The following LRP1B variants were observed in gnomAD, a reference collection of about 807,000 sequenced individuals.
LRP1B encodes the protein low-density lipoprotein receptor-related protein 1B.
Under a neutral mutation model 556.6 loss-of-function variants are expected in LRP1B, and 217 were observed. The ratio of observed to expected loss-of-function variants is 0.39; its 90% confidence interval spans 0.35 to 0.44. The LOEUF (loss-of-function observed/expected upper bound fraction) is 0.44, where lower values mean the gene tolerates loss of function less well. Ranked by LOEUF, LRP1B falls within the 20% of genes least tolerant of loss-of-function variation. The pLI, the probability that LRP1B is intolerant of heterozygous loss-of-function variation, is 1.00. For synonymous variants in LRP1B, 2,047 were observed against 1,865.8 expected (o/e 1.10, Z -2.50); for missense variants, 5,053 against 5,620.8 (o/e 0.90, Z 3.23).
chr2:141,920,279 T>TGGG (rs1216730794), intron 1 of LRP1B, among the ~76,000 whole-genome samples: 2 of 100,010 alleles, frequency 2.0e-5, no homozygotes, highest in African/African-American at 3.6e-5. Flanking sequence ...TCTTTTTTTT[T>TGGG]GGGGGGGGGT....
At chr2:141,326,585 C>T (rs1687438798) in intron 3 of LRP1B, among the ~76,000 whole-genome samples, 1 of 152,114 alleles carries the variant, frequency 6.6e-6, no homozygotes, top group African/African-American at 2.4e-5. Context: ...CCGATGAAGA[C>T]TTTGTCCCCC....
intron 3 of LRP1B, among the ~76,000 whole-genome samples, chr2:141,293,998 C>G (rs969446199): frequency 1.3e-5 from 2 of 151,942 alleles, no homozygotes; most frequent in African/African-American, 4.8e-5. Flanking sequence ...ATATACGTAG[C>G]AATTTGAAAG....
intron 12 of LRP1B, among the ~76,000 whole-genome samples, chr2:141,018,131 G>A (rs1005021273): frequency 8.6e-5 from 13 of 151,836 alleles, no homozygotes; most frequent in African/African-American, 3.1e-4. Context: ...TTTTCTAGGT[G>A]GGACTCCGTG....
At chr2:142,037,509 G>T (rs932803962) in intron 1 of LRP1B, among the ~76,000 whole-genome samples, 1 of 151,560 alleles carries the variant, frequency 6.6e-6, no homozygotes, top group Admixed American at 6.6e-5. Context: ...AAGCCTGGAA[G>T]AGTAAAAGAA....
intron 2 of LRP1B, among the ~76,000 whole-genome samples, chr2:141,725,238 A>AT (rs1022959660): frequency 3.9e-5 from 6 of 152,060 alleles, no homozygotes; most frequent in Admixed American, 1.3e-4. Flanking sequence ...ATCTTACCAC[A>AT]TTTTTTATGA....
At chr2:140,336,705 G>A (rs1416701909) in intron 77 of LRP1B, among the ~76,000 whole-genome samples, 1 of 151,850 alleles carries the variant, frequency 6.6e-6, no homozygotes, top group Non-Finnish European at 1.5e-5. Flanking sequence ...TGATAGGTTG[G>A]ATTATCTTAA....
chr2:140,285,115 G>A (rs937780924), intron 84 of LRP1B, among the ~76,000 whole-genome samples: 3 of 149,546 alleles, frequency 2.0e-5, no homozygotes, highest in East Asian at 2.0e-4. Flanking sequence ...ATATATATGT[G>A]TGTGTATATA....
chr2:142,108,760 C>T (rs552556282), intron 1 of LRP1B, among the ~76,000 whole-genome samples: 3 of 152,196 alleles, frequency 2.0e-5, no homozygotes, highest in East Asian at 3.9e-4. Flanking sequence ...CTTTAATTTG[C>T]CATTAGTACA....
At chr2:140,409,026 A>G (rs748645706) in intron 66 of LRP1B, among the ~76,000 whole-genome samples, 22 of 151,902 alleles carry the variant, frequency 1.4e-4, no homozygotes, top group South Asian at 6.2e-4. Flanking sequence ...AGGAGCATTT[A>G]TATTTGAACT....
intron 27 of LRP1B, among the ~76,000 whole-genome samples, chr2:140,861,940 C>A (rs1250547836): frequency 6.6e-6 from 1 of 152,144 alleles, no homozygotes; most frequent in Non-Finnish European, 1.5e-5. Flanking sequence ...CTGTTGGTGC[C>A]CTTTTTCTGA....
intron 41 of LRP1B, among the ~76,000 whole-genome samples, chr2:140,691,431 A>ATGCAATCCAGGCTGGAT (rs1233175912): frequency 7.1e-4 from 108 of 151,094 alleles, no homozygotes; most frequent in African/African-American, 2.2e-3. Flanking sequence ...AGCCAACATC[A>ATGCAATCCAGGCTGGAT]TGCAATCCAG....
At chr2:140,752,394 G>A (rs144568830) in intron 35 of LRP1B, among the ~76,000 whole-genome samples, 3 of 149,794 alleles carry the variant, frequency 2.0e-5, no homozygotes, top group East Asian at 2.0e-4. Context: ...GCACAATCTC[G>A]GCTCACTGCA....
intron 2 of LRP1B, among the ~76,000 whole-genome samples, chr2:141,672,950 C>G (rs1435227279): frequency 6.6e-6 from 1 of 152,108 alleles, no homozygotes; most frequent in Non-Finnish European, 1.5e-5. Context: ...CTACCAAGCC[C>G]TGGTTTTACA....
intron 3 of LRP1B, among the ~76,000 whole-genome samples, chr2:141,272,286 T>C (rs866365232): frequency 1.3e-5 from 2 of 152,014 alleles, no homozygotes; most frequent in Non-Finnish European, 2.9e-5. Context: ...ATATCTTGTA[T>C]TACTTAGGAC....
chr2:141,868,399 T>C (rs1289226315), intron 1 of LRP1B, among the ~76,000 whole-genome samples: 1 of 152,198 alleles, frequency 6.6e-6, no homozygotes, highest in Non-Finnish European at 1.5e-5. Context: ...TCAAAATTCA[T>C]ACAGCATGTC....
chr2:141,680,120 A>G (rs1387853031), intron 2 of LRP1B, among the ~76,000 whole-genome samples: 1 of 151,992 alleles, frequency 6.6e-6, no homozygotes, highest in Non-Finnish European at 1.5e-5. Context: ...TATGTGTTAT[A>G]TTATTCTCTT....
rs920954803 is a variant in LRP1B at position 140,389,952 on chromosome 2, A to G, written c.10415-3943T>C. On this transcript the variant is annotated intron_variant, in intron 66 of 90. Transcript: ENST00000389484. ...AAGACCAGCCTGGCCAACTGATTGA[A>G]ACCCCATCTCTACTAAAAAACATGA... Among the ~76,000 whole-genome samples the G allele has an allele frequency of 3.9e-5, 6 of 152,036 alleles. No individual in the cohort carries two copies. The South Asian group carries it at 6.2e-4, about 16-fold the overall frequency.
chr2:141,312,951 G>A (rs955124313), intron 3 of LRP1B, among the ~76,000 whole-genome samples: 1 of 152,076 alleles, frequency 6.6e-6, no homozygotes, highest in Admixed American at 6.6e-5. Flanking sequence ...AAAGTGCTGG[G>A]ATTATAGGCA....
chr2:140,289,274 C>A (rs905842581), intron 84 of LRP1B, among the ~76,000 whole-genome samples: 8 of 151,908 alleles, frequency 5.3e-5, no homozygotes, highest in African/African-American at 1.7e-4. Flanking sequence ...GATCTTTTAT[C>A]ATTTTTGACT....
Sources: allele counts gnomAD v4.1 joint callset (sites outside exome capture counted in the v4.1 genomes callset), GRCh38; gene constraint gnomAD v4.1.1; transcripts MANE v1.5; gene names NCBI Gene and HGNC (gene_info 2026-07-23, HGNC 2026-07-21).